Variants in MAP7 observed in about 807,000 individuals in gnomAD.
MAP7 encodes the protein microtubule associated protein 7.
A neutral mutation model predicts 94.8 loss-of-function variants in MAP7; 52 were observed. The ratio of observed to expected loss-of-function variants is 0.55; its 90% CI spans 0.44 to 0.69. The LOEUF (loss-of-function observed/expected upper bound fraction) is 0.69. MAP7 is among the 30% of genes least tolerant of loss of function. The pLI is 0.00. For synonymous variants in MAP7, 350 were observed against 357.0 expected, an observed-to-expected ratio of 0.98 and a Z score of 0.22; for missense variants, 940 against 964.6, an observed-to-expected ratio of 0.97 and a Z score of 0.34.
chr6:136,355,513 T>C (rs561300495), intron 16 of MAP7, among the ~76,000 whole-genome samples: 1 of 152,238 alleles, frequency 6.6e-6, no homozygotes, highest in South Asian at 2.1e-4. Flanking sequence ...ATCAACACAA[T>C]AGTAGGGACT....
intron 5 of MAP7, 41 bp from the exon 6 acceptor site, chr6:136,383,822 T>G: frequency 2.5e-6 from 3 of 1,215,114 alleles, no homozygotes; most frequent in Non-Finnish European, 2.4e-6. Context: ...AGCCAACATG[T>G]AGGATTGCAA....
At chr6:136,372,315 A>T (rs530199916) in intron 8 of MAP7, among the ~76,000 whole-genome samples, 186 bp downstream of exon 8, 3 of 152,198 alleles carry the variant, frequency 2.0e-5, no homozygotes, top group Non-Finnish European at 2.9e-5. Context: ...AAAATCCCCA[A>T]GTGAAGAGGA....
At chr6:136,538,569 T>C (rs550477749) in intron 1 of MAP7, among the ~76,000 whole-genome samples, 2 of 152,018 alleles carry the variant, frequency 1.3e-5, no homozygotes, top group South Asian at 4.2e-4. Flanking sequence ...GAGGATCACT[T>C]GAGTTCGAAA....
chr6:136,388,005 T>C (rs1779646831), intron 5 of MAP7, among the ~76,000 whole-genome samples: 1 of 152,252 alleles, frequency 6.6e-6, no homozygotes. Flanking sequence ...GCTCATAGTA[T>C]TGATTCTGGT....
intron 1 of MAP7, among the ~76,000 whole-genome samples, chr6:136,521,818 G>A (rs1273016583): frequency 6.6e-6 from 1 of 152,076 alleles, no homozygotes; most frequent in Non-Finnish European, 1.5e-5. Flanking sequence ...TCCCTTAAAC[G>A]CCCTGTTTCA....
At chr6:136,455,477 C>T (rs1802602716) in intron 1 of MAP7, among the ~76,000 whole-genome samples, 1 of 151,920 alleles carries the variant, frequency 6.6e-6, no homozygotes, top group South Asian at 2.1e-4. Flanking sequence ...ACACGATAGA[C>T]CAAATGGACC....
At chr6:136,511,971 C>A (rs1823419525) in intron 1 of MAP7, among the ~76,000 whole-genome samples, 1 of 152,214 alleles carries the variant, frequency 6.6e-6, no homozygotes, top group African/African-American at 2.4e-5. Context: ...AAGTAAGCCA[C>A]TGCAGACTGT....
At chr6:136,352,178 T>A (rs991879145) in intron 16 of MAP7, among the ~76,000 whole-genome samples, 1 of 147,424 alleles carries the variant, frequency 6.8e-6, no homozygotes, top group African/African-American at 2.5e-5. Flanking sequence ...GCTCCTTGTA[T>A]CTGCTATTCG....
intron 1 of MAP7, among the ~76,000 whole-genome samples, chr6:136,443,841 A>G (rs908208755): frequency 2.0e-5 from 3 of 152,298 alleles, no homozygotes; most frequent in Non-Finnish European, 2.9e-5. Flanking sequence ...GTGTCACTAA[A>G]GAAATGAGAG....
chr6:136,511,488 C>A (rs552630031), intron 1 of MAP7, among the ~76,000 whole-genome samples: 1 of 139,720 alleles, frequency 7.2e-6, no homozygotes, highest in African/African-American at 3.0e-5. Context: ...TTTTTCTGGG[C>A]CTTAAAAAAA....
intron 3 of MAP7, among the ~76,000 whole-genome samples, chr6:136,393,058 TC>T (rs1045187441): frequency 4.5e-4 from 69 of 152,234 alleles, no homozygotes; most frequent in Admixed American, 2.0e-4. Flanking sequence ...AATAATGTTT[TC>T]ATCAGGCTTT....
At chr6:136,512,310 C>T (rs181780245) in intron 1 of MAP7, among the ~76,000 whole-genome samples, 64 of 152,290 alleles carry the variant, frequency 4.2e-4, no homozygotes, top group Non-Finnish European at 8.5e-4. Flanking sequence ...TGAATCAGCA[C>T]CTAGAAATAA....
intron 1 of MAP7, among the ~76,000 whole-genome samples, chr6:136,493,971 A>G (rs1405264441): frequency 6.6e-6 from 1 of 152,240 alleles, no homozygotes; most frequent in East Asian, 1.9e-4. Context: ...CCGACCTCTC[A>G]GGTTATAAGT....
chr6:136,485,094 C>T (rs1035973138), intron 1 of MAP7, among the ~76,000 whole-genome samples: 1 of 152,080 alleles, frequency 6.6e-6, no homozygotes, highest in Non-Finnish European at 1.5e-5. Context: ...AGAGTGTGCT[C>T]TGATATTGGA....
intron 3 of MAP7, among the ~76,000 whole-genome samples, chr6:136,408,204 A>G (rs1419719518): frequency 6.6e-6 from 1 of 152,246 alleles, no homozygotes; most frequent in Admixed American, 6.5e-5. Flanking sequence ...TAGGGTGGTT[A>G]GAGACTTTTC....
chr6:136,404,982 C>T (rs1785165245), intron 3 of MAP7, among the ~76,000 whole-genome samples: 1 of 152,086 alleles, frequency 6.6e-6, no homozygotes, highest in Admixed American at 6.6e-5. Flanking sequence ...AAGGACTATC[C>T]TAATAGATTA....
chr6:136,425,991 T>C (rs1793016532), intron 1 of MAP7, among the ~76,000 whole-genome samples: 1 of 152,218 alleles, frequency 6.6e-6, no homozygotes, highest in Non-Finnish European at 1.5e-5. Flanking sequence ...TTTTTCCTTT[T>C]CTTGTCCTAT....
intron 1 of MAP7, among the ~76,000 whole-genome samples, chr6:136,493,417 C>CTTTAAAGTGCCTTTAAAAAA (rs1368650053): frequency 4.7e-4 from 71 of 151,978 alleles, no homozygotes; most frequent in Non-Finnish European, 1.5e-5. Context: ...GCCACCGCAC[C>CTTTAAAGTGCCTTTAAAAAA]GGCTTCTTCT....
intron 3 of MAP7, among the ~76,000 whole-genome samples, chr6:136,398,090 A>C (rs1333456780): frequency 6.6e-6 from 1 of 152,228 alleles, no homozygotes; most frequent in Non-Finnish European, 1.5e-5. Context: ...CATACAAAGG[A>C]GAAATCCACT....
Sources: allele counts gnomAD v4.1 joint callset (sites outside exome capture counted in the v4.1 genomes callset), GRCh38; gene constraint gnomAD v4.1.1; transcripts MANE v1.5; gene names NCBI Gene and HGNC (gene_info 2026-07-23, HGNC 2026-07-21).